Variants in NXF2 observed in about 807,000 individuals in gnomAD.
NXF2 encodes the protein nuclear RNA export factor 2, also known as TAP-like protein 2.
At chrX:102,285,935 G>GT (rs1273112404) in intron 2 of NXF2, among the ~76,000 whole-genome samples, 2 of 32,529 alleles carry the variant, frequency 6.1e-5, no homozygotes, top group African/African-American at 1.4e-4. Context: ...TTGTTTGTTT[G>GT]TTTTTGTTTT....
intron 2 of NXF2, among the ~76,000 whole-genome samples, chrX:102,294,542 T>G (rs1933996191): frequency 1.2e-5 from 1 of 84,659 alleles, no homozygotes; most frequent in African/African-American, 4.0e-5. Context: ...CGCAGACTGT[T>G]TGGTGACATT....
intron 2 of NXF2, among the ~76,000 whole-genome samples, chrX:102,281,975 ATT>A (rs35643029): frequency 0.17 from 1,845 of 10,701 alleles, 410 homozygotes; most frequent in Middle Eastern, 0.69. Context: ...CGCCCGGCTA[ATT>A]TTTTTTTTTT....
intron 2 of NXF2, among the ~76,000 whole-genome samples, chrX:102,299,010 AACTC>A (rs1432539546): frequency 1.4e-5 from 1 of 72,147 alleles, no homozygotes; most frequent in African/African-American, 5.4e-5. Flanking sequence ...TAGAAAGACT[AACTC>A]AAGCTAATTA....
chrX:102,254,517 C>T (rs782253649), intron 2 of NXF2, among the ~76,000 whole-genome samples: 2,478 of 73,714 alleles, frequency 0.034, 7 homozygotes, highest in East Asian at 0.19. Context: ...CCCTTTTCTC[C>T]ACACACTCGG....
chrX:102,281,728 A>AC (rs61468793), intron 2 of NXF2, among the ~76,000 whole-genome samples: 3,410 of 55,085 alleles, frequency 0.062, 407 homozygotes, highest in Non-Finnish European at 0.086. Flanking sequence ...ATGTCGTGTG[A>AC]CCCCCCCCCT....
chrX:102,281,728 A>ACCCCCCCCCCCCCC (rs61468793), intron 2 of NXF2, among the ~76,000 whole-genome samples: 11 of 55,623 alleles, frequency 2.0e-4, no homozygotes, highest in Non-Finnish European at 2.6e-4. Flanking sequence ...ATGTCGTGTG[A>ACCCCCCCCCCCCCC]CCCCCCCCCT....
chrX:102,298,535 C>G (rs1556385416), intron 2 of NXF2, among the ~76,000 whole-genome samples: 3 of 86,807 alleles, frequency 3.5e-5, no homozygotes, highest in African/African-American at 1.3e-4. Flanking sequence ...ACCAAGTTGC[C>G]TAACAGTCAT....
intron 2 of NXF2, among the ~76,000 whole-genome samples, chrX:102,251,318 C>T (rs1200602972): frequency 4.0e-5 from 2 of 49,930 alleles, no homozygotes; most frequent in East Asian, 3.9e-4. Context: ...ATTACTCCCG[C>T]GAATAACCCT....
chrX:102,293,524 CATATATATATATATATATATATATATAT>C (rs1176337938), intron 2 of NXF2, among the ~76,000 whole-genome samples: 3 of 8,697 alleles, frequency 3.4e-4, no homozygotes, highest in African/African-American at 9.6e-4. Flanking sequence ...TCTTTCTTTC[CATATATATATATATATATATATATATAT>C]ATATATATAT....
At chrX:102,252,276 A>C (rs1196896863) in intron 2 of NXF2, among the ~76,000 whole-genome samples, 1 of 58,015 alleles carries the variant, frequency 1.7e-5, no homozygotes, top group African/African-American at 6.9e-5. Context: ...TATAGGCGTG[A>C]GCCACCCCCC....
intron 2 of NXF2, among the ~76,000 whole-genome samples, chrX:102,252,375 G>C (rs1404653080): frequency 8.9e-4 from 11 of 12,315 alleles, no homozygotes; most frequent in African/African-American, 4.0e-3. Context: ...GTTTATTCTT[G>C]TGCATGCTGT....
chrX:102,282,276 G>C (rs1259921277), intron 2 of NXF2, among the ~76,000 whole-genome samples: 1,272 of 110,902 alleles, frequency 0.011, no homozygotes, highest in Admixed American at 0.033. Flanking sequence ...CCCTCTGTTG[G>C]GGGGGCATGA....
chrX:102,282,280 G>T (rs1556384088), intron 2 of NXF2, among the ~76,000 whole-genome samples: 1 of 112,953 alleles, frequency 8.9e-6, no homozygotes, highest in Non-Finnish European at 1.9e-5. Context: ...CTGTTGGGGG[G>T]GCATGAGCTG....
At chrX:102,251,212 G>A (rs1478549550) in intron 2 of NXF2, among the ~76,000 whole-genome samples, 515 of 12,887 alleles carry the variant, frequency 0.04, 34 homozygotes, top group Middle Eastern at 0.056. Context: ...TGATCCTCCC[G>A]CCTTGGTCTC....
At chrX:102,285,956 TC>T (rs1556384280) in intron 2 of NXF2, among the ~76,000 whole-genome samples, 3 of 55,519 alleles carry the variant, frequency 5.4e-5, no homozygotes, top group African/African-American at 1.4e-4. Context: ...TTTTTTTTTT[TC>T]TGGACTCTGA....
At chrX:102,260,344 C>A (rs1933851614) in intron 2 of NXF2, 1 of 27,926 alleles carries the variant, frequency 3.6e-5, no homozygotes. Context: ...GGATGAACAA[C>A]CTCCAGGAAC....
chrX:102,298,639 C>G (rs1412191054), intron 2 of NXF2, among the ~76,000 whole-genome samples: 4 of 104,834 alleles, frequency 3.8e-5, no homozygotes, highest in Non-Finnish European at 7.8e-5. Context: ...CAGCCGGTGT[C>G]CCAGGGACTG....
chrX:102,282,153 A>G (rs1317217251), intron 2 of NXF2, among the ~76,000 whole-genome samples: 1 of 87,980 alleles, frequency 1.1e-5, no homozygotes, highest in Non-Finnish European at 2.2e-5. Flanking sequence ...CTGCCTTTCA[A>G]ATTTACTTGG....
At position 102,251,486 on chromosome X, in the gene NXF2, A is replaced by G. The variant is rs1290927911; in HGVS notation, c.-54+2928A>G. ...AAGGATTGTACTGGTTTTCATTTCC[A>G]TTAGCAATATATGAGAATGACAATT... On this transcript the variant is annotated intron_variant, in intron 2 of 22. Transcript: ENST00000625106. 2.7e-3 allele frequency among the ~76,000 whole-genome samples: 31 copies of G among 11,676 alleles called. No individual in the cohort carries two copies. The East Asian group carries it at 0.051, about 19-fold the overall frequency. The allele number at this position is 11,676 out of a possible 115,157, so 10.1% of individuals were successfully genotyped here. A position where few individuals can be genotyped will look rare whatever the true frequency, so the allele number is the denominator to read the frequency against.
Sources: allele counts gnomAD v4.1 joint callset (sites outside exome capture counted in the v4.1 genomes callset), GRCh38; gene constraint gnomAD v4.1.1; transcripts MANE v1.5; gene names NCBI Gene and HGNC (gene_info 2026-07-23, HGNC 2026-07-21).